Variants in CNTNAP4 observed in about 807,000 individuals in gnomAD.
The protein encoded by CNTNAP4 is contactin-associated protein-like 4.
A neutral mutation model predicts 148.4 loss-of-function variants in CNTNAP4; 98 were observed. That is an observed-to-expected ratio of 0.66 (90% CI 0.56 to 0.78). The LOEUF (loss-of-function observed/expected upper bound fraction) is 0.78. Ranked by LOEUF, CNTNAP4 falls within the 30% of genes least tolerant of loss-of-function variation. The probability of loss-of-function intolerance (pLI) is 0.00; values close to 1 mark genes in which losing one functional copy is unlikely to be tolerated. For synonymous variants in CNTNAP4, 730 were observed against 565.1 expected, an observed-to-expected ratio of 1.29 and a Z score of -4.14; for missense variants, 1,935 against 1,565.6, an observed-to-expected ratio of 1.24 and a Z score of -3.98.
Position 76,418,926 on chromosome 16 carries a change from A to AC in CNTNAP4, c.391-8525dup, listed in dbSNP as rs139451206. ...CAGATGCTTCCGGTTCATCTAATGCACTTATTTCTATTCCTCCTTTTGACT... is the reference window on the plus strand; with the variant it reads ...CAGATGCTTCCGGTTCATCTAATGCACCTTATTTCTATTCCTCCTTTTGACT... On this transcript the variant is annotated intron_variant, in intron 3 of 23. Transcript: ENST00000611870. 7.9e-5 allele frequency among the ~76,000 whole-genome samples: 12 copies of AC among 152,102 alleles called. No individual in the cohort carries two copies. In the East Asian group the frequency reaches 2.3e-3, roughly 29 times the overall value.
chr16:76,384,731 A>G (rs1200013334), intron 3 of CNTNAP4, among the ~76,000 whole-genome samples: 3 of 152,210 alleles, frequency 2.0e-5, no homozygotes. Context: ...CAGTTGTCAT[A>G]TAGCCAGGCT....
Position 76,448,811 on chromosome 16 carries a change from C to A in CNTNAP4, c.787C>A (p.Leu263Met). 1 of 1,611,688 alleles carries A rather than the reference C, an allele frequency of 6.2e-7. No individual in the cohort carries two copies. The change falls in exon 6 of 24, where the codon CTG becomes ATG. Residue 263 changes from leucine (L) to methionine (M), a missense_variant. Leu to Met is a conservative substitution (Grantham distance 15). Coordinates refer to ENST00000611870, the MANE Select transcript of CNTNAP4 (RefSeq NM_033401.5). ...PSTSTLVNLT[L>M]GSLLDDQHWH... The stretch of plus-strand genomic sequence containing the variant: ...CACTTCCACCCTGGTCAATCTCACC[C>A]TGGGCAGCCTGCTAGATGATCAGCA...
intron 2 of CNTNAP4, among the ~76,000 whole-genome samples, chr16:76,350,705 T>C (rs1159530000): frequency 1.3e-5 from 2 of 152,186 alleles, no homozygotes; most frequent in East Asian, 1.9e-4. Flanking sequence ...CTGATGTTTG[T>C]TGAATGTGGG....
intron 3 of CNTNAP4, among the ~76,000 whole-genome samples, chr16:76,381,231 C>G (rs564460619): frequency 6.6e-6 from 1 of 152,222 alleles, no homozygotes; most frequent in East Asian, 1.9e-4. Flanking sequence ...TTCTCCAAAC[C>G]TCAGCAGCTC....
chr16:76,479,242 C>A (rs990672836), intron 11 of CNTNAP4, among the ~76,000 whole-genome samples, 177 bp from the exon 12 acceptor site: 1 of 152,160 alleles, frequency 6.6e-6, no homozygotes, highest in South Asian at 2.1e-4. Flanking sequence ...TATCAAATCA[C>A]TTTCATCCAT....
intron 22 of CNTNAP4, 151 bp from the exon 23 acceptor site, chr16:76,553,685 C>T: frequency 1.6e-6 from 1 of 642,740 alleles, no homozygotes; most frequent in Non-Finnish European, 2.7e-6. Flanking sequence ...TTATGGGGGT[C>T]ATTGCCATTG....
chr16:76,335,137 T>G (rs895079189), intron 2 of CNTNAP4, among the ~76,000 whole-genome samples: 1 of 152,052 alleles, frequency 6.6e-6, no homozygotes, highest in African/African-American at 2.4e-5. Context: ...TTGTAATGTG[T>G]GAAGTGATCA....
rs144498599 is a variant in CNTNAP4, at chr16:76,416,810, A to G, written c.391-10642A>G. On this transcript the variant is annotated intron_variant, in intron 3 of 23. Coordinates refer to ENST00000611870, the MANE Select transcript of CNTNAP4 (RefSeq NM_033401.5). The stretch of plus-strand genomic sequence containing the variant: ...GCTTTCCTGCTTCCTTGATACATCA[A>G]TTATTCCAACTATAATAATGGACTT... Among the ~76,000 whole-genome samples, 1,077 of 151,476 alleles carry G rather than the reference A, an allele frequency of 7.1e-3. 17 individuals are homozygous for G. Among genetic ancestry groups the G allele is most frequent in the African/African-American group, 0.025 (1,039 of 41,468 alleles).
At chr16:76,352,725 C>T (rs1328428547) in intron 2 of CNTNAP4, among the ~76,000 whole-genome samples, 3 of 152,174 alleles carry the variant, frequency 2.0e-5, no homozygotes, top group Admixed American at 2.0e-4. Flanking sequence ...TGTTTCATCA[C>T]ATCCTGAAAA....
rs576454586 is a variant in CNTNAP4, at chr16:76,517,105, C to G, written c.2366-4035C>G. Among the ~76,000 whole-genome samples, 3 of 152,172 alleles carry G rather than the reference C, an allele frequency of 2.0e-5. No homozygotes were observed. The East Asian group carries it at 5.8e-4, about 29-fold the overall frequency. ...TGATTTTTTTTAAAAGTAAGCCAGT[C>G]TCAAAAGACTGCATATTTTATGCTT... is the stretch of plus-strand genomic sequence containing the variant. On this transcript the variant is annotated intron_variant, in intron 15 of 23. Transcript: ENST00000611870.
chr16:76,492,608 G>A (rs2082263384), intron 13 of CNTNAP4, among the ~76,000 whole-genome samples: 2 of 152,074 alleles, frequency 1.3e-5, no homozygotes, highest in African/African-American at 2.4e-5. Context: ...TCAAGGGCGG[G>A]GCCAGATGGA....
At chr16:76,337,803 C>T (rs1326176263) in intron 2 of CNTNAP4, among the ~76,000 whole-genome samples, 1 of 152,130 alleles carries the variant, frequency 6.6e-6, no homozygotes, top group Admixed American at 6.5e-5. Flanking sequence ...ATTCCTTCCC[C>T]AGGGTTCTTC....
In CNTNAP4 at chr16:76,371,769, T is replaced by G; in HGVS notation, c.390+16258T>G. Among the ~76,000 whole-genome samples the G allele has an allele frequency of 1.3e-5, 2 of 152,230 alleles. 1 individual carries two copies. The highest frequency in any genetic ancestry group is 2.9e-5 in the Non-Finnish European group (2 of 68,032). On this transcript the variant is annotated intron_variant, in intron 3 of 23. Coordinates refer to ENST00000611870, the MANE Select transcript of CNTNAP4 (RefSeq NM_033401.5). ...GCTCCAAGCTCAGGTGTTTAATTGTTGCTCTTAAGACATTCTCCAAAGTTT... is the reference window on the plus strand; with the variant it reads ...GCTCCAAGCTCAGGTGTTTAATTGTGGCTCTTAAGACATTCTCCAAAGTTT...
chr16:76,479,308 G>C (rs1266684487), intron 11 of CNTNAP4, 111 bp from the exon 12 acceptor site: 9 of 896,888 alleles, frequency 1.0e-5, no homozygotes, highest in South Asian at 3.1e-5. Flanking sequence ...CTTTTCTCCT[G>C]GTCAGTAATG....
intron 3 of CNTNAP4, among the ~76,000 whole-genome samples, chr16:76,357,946 A>G (rs758889592): frequency 6.6e-6 from 1 of 152,146 alleles, no homozygotes; most frequent in Non-Finnish European, 1.5e-5. Flanking sequence ...AATAGGTGAA[A>G]GGACCAATAA....
chr16:76,303,964 A>G (rs925882564), intron 1 of CNTNAP4, among the ~76,000 whole-genome samples: 4 of 152,162 alleles, frequency 2.6e-5, no homozygotes, highest in African/African-American at 4.8e-5. Flanking sequence ...TTTGTAAGAC[A>G]TATCTACAAA....
chr16:76,531,586 C>T (rs547298410), intron 17 of CNTNAP4, among the ~76,000 whole-genome samples: 4 of 152,222 alleles, frequency 2.6e-5, no homozygotes, highest in East Asian at 3.9e-4. Context: ...CAGTTCCAAA[C>T]GTAATAGCTC....
chr16:76,344,035 T>C (rs1964706206), intron 2 of CNTNAP4, among the ~76,000 whole-genome samples: 2 of 152,298 alleles, frequency 1.3e-5, no homozygotes, highest in South Asian at 4.1e-4. Flanking sequence ...TGAAAGCATT[T>C]CTAGAATTGA....
chr16:76,531,163 C>T (rs1026471180), intron 17 of CNTNAP4, among the ~76,000 whole-genome samples: 2 of 152,238 alleles, frequency 1.3e-5, no homozygotes, highest in East Asian at 3.9e-4. Context: ...GTGAGTTATG[C>T]AGTTGTTCCC....
Sources: gnomAD v4.1 joint callset for allele counts (sites outside exome capture counted in the v4.1 genomes callset) on GRCh38, gnomAD v4.1.1 for gene constraint, MANE v1.5 for transcripts, NCBI Gene and HGNC (gene_info 2026-07-23, HGNC 2026-07-21) for gene names.